The following SRGAP1 variants were observed in gnomAD, a reference collection of about 807,000 sequenced individuals.
The protein encoded by SRGAP1 is SLIT-ROBO Rho GTPase activating protein 1.
Under a neutral mutation model 121.9 loss-of-function variants are expected in SRGAP1, and 43 were observed. The ratio of observed to expected loss-of-function variants is 0.35; its 90% CI spans 0.28 to 0.46. The LOEUF is 0.46. Among genes scored for constraint, SRGAP1 ranks in the 20% least tolerant of loss-of-function variants. SRGAP1 has a pLI of 1.00. For synonymous variants in SRGAP1, 447 were observed against 485.4 expected (o/e 0.92, Z 1.04); for missense variants, 1,102 against 1,350.9 (o/e 0.82, Z 2.89).
intron 1 of SRGAP1, among the ~76,000 whole-genome samples, chr12:63,975,021 C>A (rs1191980057): frequency 6.6e-6 from 1 of 152,184 alleles, no homozygotes; most frequent in Non-Finnish European, 1.5e-5. Context: ...TCTGCACCAT[C>A]ATATCTAGAA....
At chr12:64,062,169 CACATCCTCTCCA>C (rs1005904301) in intron 6 of SRGAP1, among the ~76,000 whole-genome samples, 1 of 152,152 alleles carries the variant, frequency 6.6e-6, no homozygotes, top group Non-Finnish European at 1.5e-5. Flanking sequence ...CCAATTTCTC[CACATCCTCTCCA>C]ACACTTGCTA....
chr12:64,147,822 GAT>G lies in SRGAP1; in HGVS notation c.*5152_*5153del, dbSNP rs1486782310. On this transcript the variant is annotated 3_prime_UTR_variant, in exon 22 of 22. Transcript: ENST00000355086. ...CACGGTGTATCTTTATAATAAATAA[GAT>G]AGTTCTGGCTGCCTTTGTCTGCTTC... is the stretch of plus-strand genomic sequence containing the variant. The G allele has an allele frequency of 7.6e-6, 3 of 396,810 alleles. No homozygotes were observed. The highest frequency in any genetic ancestry group is 1.3e-5 in the Non-Finnish European group (3 of 225,592). 24.6% of individuals were successfully genotyped at this position (396,810 alleles called of 1,614,324 possible).
intron 17 of SRGAP1, among the ~76,000 whole-genome samples, chr12:64,114,541 G>A (rs1421669875): frequency 1.3e-5 from 2 of 152,068 alleles, no homozygotes; most frequent in African/African-American, 4.8e-5. Context: ...AGCAGAGACA[G>A]GGTTTCACCA....
At position 64,065,450 on chromosome 12, in the gene SRGAP1, A is replaced by AT. The variant is rs148510859; in HGVS notation, c.1125+239dup. 6.7e-3 allele frequency among the ~76,000 whole-genome samples: 1,023 copies of AT among 152,160 alleles called. 7 individuals are homozygous for AT. The highest frequency in any genetic ancestry group is 0.022 in the African/African-American group (931 of 41,516). ...TCAACTGCATATACATGTAAACACA[A>AT]TTTTTTTTACCTTAAATTGTAATTT... is the stretch of plus-strand genomic sequence containing the variant. On this transcript the variant is annotated intron_variant, in intron 8 of 21. Coordinates refer to ENST00000355086, the MANE Select transcript of SRGAP1 (RefSeq NM_020762.4).
At chr12:63,947,985 T>C (rs1426516387) in intron 1 of SRGAP1, among the ~76,000 whole-genome samples, 1 of 152,202 alleles carries the variant, frequency 6.6e-6, no homozygotes, top group Non-Finnish European at 1.5e-5. Context: ...CTAACAGTTT[T>C]TTTTTTCCTG....
intron 1 of SRGAP1, among the ~76,000 whole-genome samples, chr12:63,849,776 A>G (rs1488204524): frequency 6.6e-6 from 1 of 152,346 alleles, no homozygotes; most frequent in East Asian, 1.9e-4. Context: ...CCCACTCATT[A>G]CATGATGCAG....
rs772558940 is a variant in SRGAP1, at chr12:64,043,574, A to G, written c.800A>G (p.Asp267Gly). The G allele has an allele frequency of 1.9e-6, 3 of 1,595,328 alleles. No individual in the cohort carries two copies. The highest frequency in any genetic ancestry group is 2.6e-6 in the Non-Finnish European group (3 of 1,173,230). ...YYIHDLSDLIDCCDLGYHASL... is the reference protein window; with the variant it reads ...YYIHDLSDLIGCCDLGYHASL... ...ATTCATGATCTTTCTGATTTAATTG[A>G]TGTGAGTACTTGAAGTTTTTGTCTT... Residue 267 changes from aspartate to glycine, a missense_variant and splice_region_variant, in exon 6 of 22, where the codon GAT (aspartate) becomes GGT (glycine). Asp to Gly is a moderately conservative substitution (Grantham distance 94). Transcript: ENST00000355086.
intron 3 of SRGAP1, 117 bp from the exon 4 acceptor site, chr12:64,016,833 T>G: frequency 3.4e-6 from 2 of 581,192 alleles, no homozygotes; most frequent in South Asian, 5.6e-5. Context: ...TTAAAGATGT[T>G]TACTACAGAG....
intron 1 of SRGAP1, among the ~76,000 whole-genome samples, chr12:63,865,831 G>A (rs540839617): frequency 1.5e-4 from 23 of 152,310 alleles, no homozygotes; most frequent in African/African-American, 5.3e-4. Context: ...GATTCAGAAA[G>A]CTGTAGTGGA....
At position 64,127,909 on chromosome 12, in the gene SRGAP1, G is replaced by T; in HGVS notation, c.2589G>T (p.Arg863Ser). 1 of 1,614,134 alleles carries T rather than the reference G, an allele frequency of 6.2e-7. No homozygotes were observed. The highest frequency in any genetic ancestry group is 8.5e-7 in the Non-Finnish European group (1 of 1,179,996). The stretch of plus-strand genomic sequence containing the variant: ...CCCCTCCAGTAAGGCGTCCTGGCAG[G>T]ACCAGTGATGGCCATTGCCCGCTCC... The part of the protein sequence containing the change: ...EPPPPVRRPG[R>S]TSDGHCPLHP... The change falls in exon 21 of 22, where the codon AGG (arginine) becomes AGT (serine). Residue 863 changes from arginine to serine, a missense_variant. Around this residue, in one of 3 missense-constraint regions of SRGAP1, gnomAD observed 315 missense variants for 343.1 expected, o/e 0.92. Transcript: ENST00000355086.
intron 6 of SRGAP1, among the ~76,000 whole-genome samples, chr12:64,056,093 C>T (rs2035335132): frequency 6.6e-6 from 1 of 152,168 alleles, no homozygotes; most frequent in Non-Finnish European, 1.5e-5. Context: ...TTTTACACCT[C>T]AGAAAATAAT....
intron 18 of SRGAP1, among the ~76,000 whole-genome samples, chr12:64,120,782 C>T (rs1389508158): frequency 6.6e-6 from 1 of 152,154 alleles, no homozygotes; most frequent in African/African-American, 2.4e-5. Context: ...AAAATGCCCT[C>T]AAGGCAAAAT....
At chr12:64,132,496 A>G (rs1459950106) in intron 21 of SRGAP1, among the ~76,000 whole-genome samples, 1 of 152,216 alleles carries the variant, frequency 6.6e-6, no homozygotes, top group Non-Finnish European at 1.5e-5. Context: ...AAATCCAAAT[A>G]GGCCCACTAG....
chr12:64,106,828 C>T (rs1565683583), intron 15 of SRGAP1, among the ~76,000 whole-genome samples: 2 of 151,896 alleles, frequency 1.3e-5, no homozygotes, highest in Non-Finnish European at 2.9e-5. Flanking sequence ...TTGTTCATAG[C>T]GTTATATTTT....
intron 6 of SRGAP1, among the ~76,000 whole-genome samples, chr12:64,051,058 A>G (rs1474135579): frequency 2.0e-5 from 3 of 152,156 alleles, no homozygotes; most frequent in Admixed American, 2.0e-4. Context: ...AGAGACACGG[A>G]CAGGTGTTCC....
chr12:64,123,968 T>TG (rs2036648153), intron 18 of SRGAP1, among the ~76,000 whole-genome samples: 1 of 152,120 alleles, frequency 6.6e-6, no homozygotes, highest in Non-Finnish European at 1.5e-5. Flanking sequence ...CCCAGCACTT[T>TG]GGGAGGCCAT....
At chr12:64,033,977 C>T (rs559001954) in intron 4 of SRGAP1, among the ~76,000 whole-genome samples, 50 of 151,800 alleles carry the variant, frequency 3.3e-4, no homozygotes, top group African/African-American at 1.0e-3. Flanking sequence ...TGCAATGAGC[C>T]GAGATCACAC....
At chr12:64,000,261 TGTGTGTGTGTGTGTAA>T (rs2033839571) in intron 3 of SRGAP1, among the ~76,000 whole-genome samples, 1 of 148,716 alleles carries the variant, frequency 6.7e-6, no homozygotes, top group South Asian at 2.1e-4. Context: ...TGTGTGTGTG[TGTGTGTGTGTGTGTAA>T]AAAAAAAAAA....
rs74532162 is a variant in SRGAP1, at chr12:63,985,183, A to G, written c.263+1041A>G. 4.5e-3 allele frequency among the ~76,000 whole-genome samples: 692 copies of G among 152,290 alleles called. 7 individuals carry two copies. Among genetic ancestry groups the G allele is most frequent in the African/African-American group, 0.016 (660 of 41,560 alleles). ...AAGGGAAGGTCCTGAAAGAAGTGGC[A>G]TCTAAGCAAAGACCTGAAGGACTAG... On this transcript the variant is annotated intron_variant, in intron 2 of 21. Transcript: ENST00000355086.
Sources: gnomAD v4.1 joint callset for allele counts (sites outside exome capture counted in the v4.1 genomes callset) on GRCh38, gnomAD v4.1.1 for gene constraint, gnomAD v4.1.1 regional missense constraint, MANE v1.5 for transcripts, NCBI Gene and HGNC (gene_info 2026-07-23, HGNC 2026-07-21) for gene names.